Variants in PTPRD observed in about 807,000 individuals in gnomAD.
PTPRD encodes protein tyrosine phosphatase receptor type D, also known as receptor-type tyrosine-protein phosphatase delta.
PTPRD carries 34 observed loss-of-function variants against 214.5 expected under a neutral mutation model. That is an observed-to-expected ratio of 0.16 (90% CI 0.12 to 0.21). PTPRD has a LOEUF of 0.21. PTPRD is among the 10% of genes least tolerant of loss of function. PTPRD has a pLI of 1.00. For missense variants in PTPRD, 2,545 were observed against 2,398.7 expected (o/e 1.06, Z -1.27); for synonymous variants, 1,128 against 845.7 (o/e 1.33, Z -5.79).
chr9:8,657,048 T>C (rs1371468335), intron 12 of PTPRD, among the ~76,000 whole-genome samples: 4 of 152,168 alleles, frequency 2.6e-5, no homozygotes, highest in African/African-American at 4.8e-5. Context: ...TGGTAGCTCA[T>C]TATGGTTTTG....
In PTPRD at chr9:8,633,418, A is replaced by G. The variant is rs2154320745; in HGVS notation, c.251T>C (p.Ile84Thr). Reference sequence around the variant, plus strand: ...ATCCCTCGGAGTCCGTAAGGGTTGTATTCTGAGAACTGATCCAGACCCATC... The same window carrying G: ...ATCCCTCGGAGTCCGTAAGGGTTGTGTTCTGAGAACTGATCCAGACCCATC... ...FDDGSGSVLR[I>T]QPLRTPRDEA... is the part of the protein sequence containing the mutation. The change falls in exon 14 of 46, where the codon ATA becomes ACA. Residue 84 changes from isoleucine (I) to threonine (T), a missense_variant. Coordinates refer to ENST00000381196, the MANE Select transcript of PTPRD (RefSeq NM_002839.4). The G allele has an allele frequency of 1.2e-6, 2 of 1,612,814 alleles. No homozygotes were observed. Among genetic ancestry groups the G allele is most frequent in the Non-Finnish European group, 1.7e-6 (2 of 1,179,104 alleles).
chr9:10,527,786 AT>A (rs1471792791), intron 2 of PTPRD, among the ~76,000 whole-genome samples: 1 of 152,044 alleles, frequency 6.6e-6, no homozygotes, highest in Non-Finnish European at 1.5e-5. Context: ...AGCAGATGGG[AT>A]TTTTCTTTAG....
intron 2 of PTPRD, among the ~76,000 whole-genome samples, chr9:10,349,987 A>T (rs1005844193): frequency 1.3e-5 from 2 of 152,200 alleles, no homozygotes; most frequent in Non-Finnish European, 2.9e-5. Flanking sequence ...TAAATAATTG[A>T]AAGAGAAACA....
Position 9,854,828 on chromosome 9 carries a change from T to G in PTPRD, c.-368+83679A>C, listed in dbSNP as rs563021750. Among the ~76,000 whole-genome samples, 5 of 152,270 alleles carry G rather than the reference T, an allele frequency of 3.3e-5. No homozygotes were observed. In the South Asian group the frequency reaches 1.0e-3, roughly 32 times the overall value. On this transcript the variant is annotated intron_variant, in intron 5 of 45. Transcript: ENST00000381196. ...AGTGTTTCTGGGTGTAATTGTACCTTTTGCTATAACTATGGATAATACTCA... is the reference window on the plus strand; with the variant it reads ...AGTGTTTCTGGGTGTAATTGTACCTGTTGCTATAACTATGGATAATACTCA...
At chr9:10,283,676 T>C (rs1345225177) in intron 3 of PTPRD, among the ~76,000 whole-genome samples, 1 of 152,220 alleles carries the variant, frequency 6.6e-6, no homozygotes, top group East Asian at 1.9e-4. Flanking sequence ...TAACTGTCTC[T>C]TTGGTATCAA....
At chr9:8,964,337 A>G (rs917052917) in intron 11 of PTPRD, among the ~76,000 whole-genome samples, 1 of 150,746 alleles carries the variant, frequency 6.6e-6, no homozygotes, top group Non-Finnish European at 1.5e-5. Context: ...TTTCTACTTC[A>G]TGTCCATAGA....
chr9:8,951,245 G>T (rs2099100413), intron 11 of PTPRD, among the ~76,000 whole-genome samples: 1 of 150,008 alleles, frequency 6.7e-6, no homozygotes, highest in African/African-American at 2.5e-5. Context: ...CTGTCTTTCT[G>T]GTATACTACA....
chr9:9,412,446 C>A (rs1468897044), intron 8 of PTPRD, among the ~76,000 whole-genome samples: 1 of 151,042 alleles, frequency 6.6e-6, no homozygotes, highest in Non-Finnish European at 1.5e-5. Flanking sequence ...CCATACAGGT[C>A]TGGGCACAGA....
intron 14 of PTPRD, among the ~76,000 whole-genome samples, chr9:8,578,971 T>C (rs1460214389): frequency 1.3e-5 from 2 of 152,228 alleles, no homozygotes; most frequent in South Asian, 2.1e-4. Context: ...TGTATTAAGC[T>C]GGATTTATAA....
intron 9 of PTPRD, among the ~76,000 whole-genome samples, chr9:9,184,925 T>C (rs1397601919): frequency 1.3e-5 from 2 of 152,044 alleles, no homozygotes; most frequent in African/African-American, 2.4e-5. Context: ...TTCCAAAATA[T>C]CCTTTGGTAA....
intron 22 of PTPRD, among the ~76,000 whole-genome samples, chr9:8,505,261 A>G (rs1340874090): frequency 6.6e-6 from 1 of 152,218 alleles, no homozygotes; most frequent in African/African-American, 2.4e-5. Flanking sequence ...TACATAATCT[A>G]GTAATGGTGT....
intron 8 of PTPRD, among the ~76,000 whole-genome samples, chr9:9,407,950 A>C (rs1045683467): frequency 4.0e-5 from 6 of 151,812 alleles, no homozygotes; most frequent in African/African-American, 1.2e-4. Context: ...AAATACTTGG[A>C]AAGTGGAAGA....
intron 7 of PTPRD, among the ~76,000 whole-genome samples, chr9:9,591,931 T>C (rs2092770395): frequency 6.6e-6 from 1 of 152,044 alleles, no homozygotes; most frequent in African/African-American, 2.4e-5. Context: ...AATTGTAATT[T>C]TGTACCCAAT....
intron 9 of PTPRD, among the ~76,000 whole-genome samples, chr9:9,246,986 C>T (rs983002833): frequency 1.0e-5 from 1 of 95,724 alleles, no homozygotes; most frequent in Non-Finnish European, 2.4e-5. Context: ...TGTCTCTTGC[C>T]ACTCATTTTC....
chr9:9,506,250 C>T (rs73641309), intron 8 of PTPRD, among the ~76,000 whole-genome samples: 2,319 of 151,302 alleles, frequency 0.015, 73 homozygotes, highest in African/African-American at 0.052. Flanking sequence ...CAACATGATT[C>T]GAAATTTCCC....
chr9:9,279,086 T>A (rs1441526834), intron 9 of PTPRD, among the ~76,000 whole-genome samples: 2 of 151,070 alleles, frequency 1.3e-5, no homozygotes, highest in Non-Finnish European at 3.0e-5. Context: ...TAATGTTTAA[T>A]AAAAAAGCTT....
chr9:10,199,826 T>C (rs1208767026), intron 3 of PTPRD, among the ~76,000 whole-genome samples: 3 of 151,468 alleles, frequency 2.0e-5, no homozygotes, highest in Non-Finnish European at 2.9e-5. Flanking sequence ...ACTATAAACA[T>C]TGATATCATT....
At chr9:9,220,416 C>A (rs748395624) in intron 9 of PTPRD, among the ~76,000 whole-genome samples, 2 of 151,246 alleles carry the variant, frequency 1.3e-5, no homozygotes, top group East Asian at 1.9e-4. Context: ...AAATGAAGGC[C>A]AATACACTAA....
chr9:9,369,278 C>T (rs1205299219), intron 9 of PTPRD, among the ~76,000 whole-genome samples: 1 of 152,062 alleles, frequency 6.6e-6, no homozygotes, highest in Non-Finnish European at 1.5e-5. Context: ...CTGTTGTTTC[C>T]TGACTTTTTA....
Sources: allele counts gnomAD v4.1 joint callset (sites outside exome capture counted in the v4.1 genomes callset), GRCh38; gene constraint gnomAD v4.1.1; transcripts MANE v1.5; gene names NCBI Gene and HGNC (gene_info 2026-07-23, HGNC 2026-07-21).